The following CAMK2B variants were observed in gnomAD, a reference collection of about 807,000 sequenced individuals.
CAMK2B encodes the protein calcium/calmodulin-dependent protein kinase type II subunit beta.
Under a neutral mutation model 93.7 loss-of-function variants are expected in CAMK2B, and 27 were observed. That is an observed-to-expected ratio of 0.29 (90% CI 0.21 to 0.40). CAMK2B has a LOEUF of 0.40. CAMK2B is among the 10% of genes least tolerant of loss of function. The pLI, the probability that CAMK2B is intolerant of heterozygous loss-of-function variation, is 1.00. For missense variants in CAMK2B, 568 were observed against 895.8 expected, an observed-to-expected ratio of 0.63 and a Z score of 4.67; for synonymous variants, 374 against 358.8, an observed-to-expected ratio of 1.04 and a Z score of -0.48.
At chr7:44,253,752 G>C (rs905151849) in intron 5 of CAMK2B, among the ~76,000 whole-genome samples, 12 of 152,008 alleles carry the variant, frequency 7.9e-5, no homozygotes, top group African/African-American at 2.9e-4. Flanking sequence ...GTGCCACCAT[G>C]CCTGGCTACT....
At chr7:44,250,679 G>A (rs1235898012) in intron 5 of CAMK2B, among the ~76,000 whole-genome samples, 54 of 152,012 alleles carry the variant, frequency 3.6e-4, no homozygotes, top group African/African-American at 3.1e-4. Flanking sequence ...ACAGGCATGC[G>A]CCACCACACC....
At chr7:44,307,509 C>T (rs926843587) in intron 1 of CAMK2B, among the ~76,000 whole-genome samples, 21 of 151,922 alleles carry the variant, frequency 1.4e-4, no homozygotes, top group African/African-American at 4.4e-4. Flanking sequence ...GTGTCATTGG[C>T]GCCATCTGGC....
chr7:44,265,437 C>T (rs1472509854), intron 2 of CAMK2B, among the ~76,000 whole-genome samples: 3 of 152,210 alleles, frequency 2.0e-5, no homozygotes, highest in African/African-American at 7.2e-5. Flanking sequence ...CGCCACGGGA[C>T]GTGTGGGCCA....
rs571497520 is a variant in CAMK2B at position 44,234,429 on chromosome 7, G to A, written c.1092C>T (p.Ala364=). ...PQTNSTKNSA[A]ATSPKGTLPP... is the part of the protein sequence containing the mutation. The stretch of plus-strand genomic sequence containing the variant: ...GAAGCGTCCCTTTGGGGCTGGTGGC[G>A]GCTGCACTGTTTTTGGTGCTATTCG... The change falls in exon 15 of 24, where the codon GCC becomes GCT. Residue 364 remains alanine (A), a synonymous_variant. Transcript: ENST00000395749. 1.2e-4 allele frequency: 193 copies of A among 1,549,476 alleles called. 3 individuals carry two copies. The South Asian group carries it at 2.3e-3, about 18-fold the overall frequency.
intron 1 of CAMK2B, among the ~76,000 whole-genome samples, chr7:44,310,770 G>T (rs140991859): frequency 6.6e-6 from 1 of 152,296 alleles, no homozygotes; most frequent in Non-Finnish European, 1.5e-5. Context: ...ACAGCAGAAT[G>T]GTGGGTGCCA....
chr7:44,269,298 G>C (rs2096950239), intron 2 of CAMK2B, among the ~76,000 whole-genome samples: 1 of 152,244 alleles, frequency 6.6e-6, no homozygotes, highest in African/African-American at 2.4e-5. Context: ...CGTGTCCCAA[G>C]TGGACAGCAC....
At chr7:44,290,588 G>A (rs553477809) in intron 1 of CAMK2B, among the ~76,000 whole-genome samples, 47 of 152,308 alleles carry the variant, frequency 3.1e-4, no homozygotes, top group Admixed American at 8.5e-4. Flanking sequence ...GACCTCATGC[G>A]GACCTTTGTG....
At chr7:44,265,389 C>T (rs2096914023) in intron 2 of CAMK2B, among the ~76,000 whole-genome samples, 1 of 152,250 alleles carries the variant, frequency 6.6e-6, no homozygotes, top group South Asian at 2.1e-4. Flanking sequence ...GATGGCTAAT[C>T]TTTCCCCAGG....
Position 44,312,888 on chromosome 7 carries a change from G to A in CAMK2B, c.65+12469C>T, listed in dbSNP as rs1793921234. ...TTTTCTCAGGGTTTTTGACTGGGAG[G>A]GGTGTTCTCCGTCAGTCCCTGGGGC... On this transcript the variant is annotated intron_variant, in intron 1 of 23. Transcript: ENST00000395749. The surrounding 1 kb of genome is among the most constrained non-coding windows in gnomAD (Gnocchi z 4.1). 6.6e-6 allele frequency among the ~76,000 whole-genome samples: 1 copy of A among 152,136 alleles called. No individual in the cohort carries two copies. Among genetic ancestry groups the A allele is most frequent in the African/African-American group, 2.4e-5 (1 of 41,422 alleles).
chr7:44,228,665 G>A (rs779667082), intron 19 of CAMK2B, 131 bp downstream of exon 19: 14 of 846,792 alleles, frequency 1.7e-5, no homozygotes, highest in Admixed American at 3.6e-5. Flanking sequence ...CCCCGCCAGG[G>A]CAGGACTCCA....
At position 44,243,418 on chromosome 7, in the gene CAMK2B, C is replaced by T. The variant is rs1394064845; in HGVS notation, c.517+7G>A. ...GCCAGCCAACACACCCTGCCCCTGG[C>T]ACTCACCAAACCATGCCTGCTGGTC... On this transcript the variant is annotated splice_region_variant and intron_variant, in intron 7 of 23. Transcript: ENST00000395749. 8.7e-6 allele frequency: 14 copies of T among 1,613,698 alleles called. No homozygotes were observed. The highest frequency in any genetic ancestry group is 1.2e-5 in the Non-Finnish European group (14 of 1,179,800).
At chr7:44,223,254 C>T (rs548562159) in intron 20 of CAMK2B, among the ~76,000 whole-genome samples, 3 of 152,304 alleles carry the variant, frequency 2.0e-5, no homozygotes, top group Admixed American at 6.5e-5. Context: ...AAGGCCCTTG[C>T]TCCTGACCCA....
intron 1 of CAMK2B, among the ~76,000 whole-genome samples, chr7:44,314,680 T>C (rs746943737): frequency 2.0e-5 from 3 of 152,238 alleles, no homozygotes; most frequent in Non-Finnish European, 4.4e-5. Context: ...GTATTTTTCA[T>C]AGTAGCTGTG....
At chr7:44,303,955 G>A (rs747123705) in intron 1 of CAMK2B, among the ~76,000 whole-genome samples, 50 of 152,098 alleles carry the variant, frequency 3.3e-4, no homozygotes, top group Non-Finnish European at 5.0e-4. Context: ...ATACCTCACC[G>A]AAGAAGATAT....
At chr7:44,233,164 T>A (rs1266278766) in intron 15 of CAMK2B, among the ~76,000 whole-genome samples, 1 of 151,938 alleles carries the variant, frequency 6.6e-6, no homozygotes, top group East Asian at 1.9e-4. Flanking sequence ...GCACAATGTG[T>A]GTGGGAGCCA....
chr7:44,307,148 CAG>C (rs1172659268), intron 1 of CAMK2B, among the ~76,000 whole-genome samples: 2 of 91,956 alleles, frequency 2.2e-5, no homozygotes, highest in Non-Finnish European at 4.3e-5. Context: ...AGGGTGTGAG[CAG>C]AGGGAGGAGG....
chr7:44,230,982 G>C (rs201448161), intron 17 of CAMK2B, 24 bp downstream of exon 17: 4 of 1,550,672 alleles, frequency 2.6e-6, no homozygotes, highest in Non-Finnish European at 3.5e-6. Context: ...GCCGCTGGGG[G>C]GGCAAGGACT....
intron 5 of CAMK2B, among the ~76,000 whole-genome samples, chr7:44,250,580 AG>A (rs1202332556): frequency 7.5e-6 from 1 of 132,694 alleles, no homozygotes; most frequent in Admixed American, 9.0e-5. Flanking sequence ...CCCAGGCTGG[AG>A]TGCAGTGGCG....
chr7:44,233,017 G>A lies in CAMK2B; in HGVS notation c.1132-151C>T, dbSNP rs551996957. The stretch of plus-strand genomic sequence containing the variant: ...AGTGCAGAGCAGAGTGGGGGACAGG[G>A]ATGGAGGCGGCGTGGAGCAGCTGGG... On this transcript the variant is annotated intron_variant, in intron 15 of 23. Coordinates refer to ENST00000395749, the MANE Select transcript of CAMK2B (RefSeq NM_001220.5). 7 of 705,756 alleles carry A rather than the reference G, an allele frequency of 9.9e-6. No homozygotes were observed. In the East Asian group the frequency reaches 1.6e-4, roughly 16 times the overall value. 43.7% of individuals were successfully genotyped at this position (705,756 alleles called of 1,614,324 possible). A position where few individuals can be genotyped will look rare whatever the true frequency, so the allele number is the denominator to read the frequency against.
Sources: allele counts gnomAD v4.1 joint callset (sites outside exome capture counted in the v4.1 genomes callset), GRCh38; gene constraint gnomAD v4.1.1; non-coding constraint Gnocchi (gnomAD v3.1); transcripts MANE v1.5; gene names NCBI Gene and HGNC (gene_info 2026-07-23, HGNC 2026-07-21).